Variants in ZNF385D observed in about 807,000 individuals in gnomAD.
ZNF385D encodes zinc finger protein 659.
A neutral mutation model predicts 35.8 loss-of-function variants in ZNF385D; 15 were observed. That is an observed-to-expected ratio of 0.42 (90% CI 0.28 to 0.64). The LOEUF (loss-of-function observed/expected upper bound fraction) is 0.64, where lower values mean the gene tolerates loss of function less well. ZNF385D is among the 30% of genes least tolerant of loss of function. The pLI is 0.23. For synonymous variants in ZNF385D, 212 were observed against 186.8 expected (o/e 1.13, Z -1.10); for missense variants, 474 against 494.6 (o/e 0.96, Z 0.39).
At chr3:21,912,885 G>A (rs1299430201) in intron 3 of ZNF385D, among the ~76,000 whole-genome samples, 2 of 152,042 alleles carry the variant, frequency 1.3e-5, no homozygotes, top group African/African-American at 2.4e-5. Flanking sequence ...AGAGCATACA[G>A]AACATTCTTA....
intron 3 of ZNF385D, among the ~76,000 whole-genome samples, chr3:22,074,887 A>C (rs1174253151): frequency 6.6e-6 from 1 of 151,820 alleles, no homozygotes; most frequent in Non-Finnish European, 1.5e-5. Flanking sequence ...CATTCTATTA[A>C]TTCAGTGGTT....
chr3:21,773,506 T>C (rs1295784870), intron 3 of ZNF385D, among the ~76,000 whole-genome samples: 1 of 151,956 alleles, frequency 6.6e-6, no homozygotes, highest in East Asian at 1.9e-4. Context: ...AGAAATTTTT[T>C]TGCAATCTAT....
chr3:21,923,311 C>T (rs190706401), intron 3 of ZNF385D, among the ~76,000 whole-genome samples: 335 of 151,642 alleles, frequency 2.2e-3, no homozygotes, highest in South Asian at 7.7e-3. Context: ...CAATGAGATA[C>T]CATCTCACAC....
intron 1 of ZNF385D, among the ~76,000 whole-genome samples, chr3:21,750,510 C>T (rs940609202): frequency 9.9e-5 from 15 of 152,020 alleles, no homozygotes; most frequent in African/African-American, 3.4e-4. Context: ...ATTGACTAAG[C>T]TTTCACAGCA....
At chr3:21,739,533 C>A (rs1386694518) in intron 1 of ZNF385D, among the ~76,000 whole-genome samples, 1 of 152,124 alleles carries the variant, frequency 6.6e-6, no homozygotes, top group Non-Finnish European at 1.5e-5. Flanking sequence ...GGGGCCAGAT[C>A]AGAATGTCCC....
Position 21,421,416 on chromosome 3 carries a change from T to C in ZNF385D, c.986A>G (p.Lys329Arg). Residue 329 changes from lysine to arginine, a missense_variant, in exon 8 of 8, where the codon AAG (lysine) becomes AGG (arginine). By Grantham distance (26) the Lys-to-Arg change is conservative (BLOSUM62 2). Transcript: ENST00000281523. The stretch of plus-strand genomic sequence containing the variant: ...TGGTAGAATTCGTGGAGCCAATGGC[T>C]TTGAAGGTTCTTTTGAAAATACTAA... ...VKLVFSKEPSKPLAPRILPNP... is the reference protein window; with the variant it reads ...VKLVFSKEPSRPLAPRILPNP... The C allele has an allele frequency of 6.2e-7, 1 of 1,613,588 alleles. No individual in the cohort carries two copies. The highest frequency in any genetic ancestry group is 1.7e-4 in the Middle Eastern group (1 of 6,058).
chr3:21,611,408 C>A (rs763348123), intron 2 of ZNF385D, among the ~76,000 whole-genome samples: 73 of 152,230 alleles, frequency 4.8e-4, no homozygotes, highest in Non-Finnish European at 8.5e-4. Context: ...CAAAAACAAA[C>A]AAACAAAAAA....
At position 21,564,574 on chromosome 3, in the gene ZNF385D, A is replaced by G; in HGVS notation, c.276T>C (p.Asp92=). ...AGTGAACACTAAATGATAAACTTACATCAGAATTAAATCTCAACTGGCAAA... is the reference window on the plus strand; with the variant it reads ...AGTGAACACTAAATGATAAACTTACGTCAGAATTAAATCTCAACTGGCAAA... ...CNICQLRFNS[D]SQAAAHYKGT... Residue 92 remains aspartate (D), a splice_region_variant and synonymous_variant, in exon 3 of 8, where the codon GAT becomes GAC. Transcript: ENST00000281523. The G allele has an allele frequency of 2.6e-6, 4 of 1,527,814 alleles. No individual in the cohort carries two copies. The South Asian group carries it at 3.9e-5, about 15-fold the overall frequency. The allele number at this position is 1,527,814 out of a possible 1,614,324, so 94.6% of individuals were successfully genotyped here. A position where few individuals can be genotyped will look rare whatever the true frequency, so the allele number is the denominator to read the frequency against.
At chr3:21,485,297 G>C (rs1446085141) in intron 4 of ZNF385D, among the ~76,000 whole-genome samples, 1 of 152,130 alleles carries the variant, frequency 6.6e-6, no homozygotes, top group Non-Finnish European at 1.5e-5. Context: ...TCACTTACTT[G>C]ATAAAGCTGG....
At chr3:21,794,869 C>G (rs968090848) in intron 3 of ZNF385D, among the ~76,000 whole-genome samples, 1 of 152,180 alleles carries the variant, frequency 6.6e-6, no homozygotes, top group African/African-American at 2.4e-5. Context: ...TGAGCTTCAT[C>G]TGAACATTGC....
At chr3:22,347,406 C>G (rs1298052580) in intron 2 of ZNF385D, among the ~76,000 whole-genome samples, 1 of 152,146 alleles carries the variant, frequency 6.6e-6, no homozygotes, top group African/African-American at 2.4e-5. Context: ...AAAGGTCTCT[C>G]CCAGTATCAT....
intron 3 of ZNF385D, among the ~76,000 whole-genome samples, chr3:21,977,434 G>A (rs575649434): frequency 6.6e-6 from 1 of 151,986 alleles, no homozygotes; most frequent in Non-Finnish European, 1.5e-5. Context: ...TGGCTTTCAA[G>A]GAACACAAAG....
chr3:21,876,781 G>A (rs1055709987), intron 3 of ZNF385D, among the ~76,000 whole-genome samples: 2 of 151,678 alleles, frequency 1.3e-5, no homozygotes, highest in South Asian at 2.1e-4. Flanking sequence ...TCCATCTAAT[G>A]TGAAAATAAC....
intron 3 of ZNF385D, among the ~76,000 whole-genome samples, chr3:22,145,992 T>C (rs1704828536): frequency 6.6e-6 from 1 of 152,198 alleles, no homozygotes; most frequent in Non-Finnish European, 1.5e-5. Flanking sequence ...GCATAGAGTC[T>C]AGGTGGTCAG....
intron 1 of ZNF385D, among the ~76,000 whole-genome samples, chr3:21,735,917 C>T (rs1187643333): frequency 6.6e-6 from 1 of 152,158 alleles, no homozygotes; most frequent in Non-Finnish European, 1.5e-5. Context: ...AAAATGAGCA[C>T]CTCTACTTTA....
Position 21,529,806 on chromosome 3 carries a change from C to T in ZNF385D, c.277-18783G>A, listed in dbSNP as rs537354380. 4.6e-5 allele frequency among the ~76,000 whole-genome samples: 7 copies of T among 152,284 alleles called. No individual in the cohort carries two copies. The South Asian group carries it at 1.5e-3, about 32-fold the overall frequency. ...GGTCCTGAGTTTAAATTTTGGCTTT[C>T]CTTTCTATGGATTATGTGACCTTGA... On this transcript the variant is annotated intron_variant, in intron 3 of 7. Coordinates refer to ENST00000281523, the MANE Select transcript of ZNF385D (RefSeq NM_024697.3).
At chr3:22,042,135 C>T (rs1388860224) in intron 3 of ZNF385D, among the ~76,000 whole-genome samples, 1 of 152,056 alleles carries the variant, frequency 6.6e-6, no homozygotes, top group Non-Finnish European at 1.5e-5. Context: ...TTATGTATTT[C>T]CAGCTTGGAA....
chr3:21,754,237 G>A (rs959257135), upstream of ZNF385D, among the ~76,000 whole-genome samples: 6 of 152,108 alleles, frequency 3.9e-5, no homozygotes, highest in South Asian at 1.2e-3. Context: ...AGAGGATTGT[G>A]AACATGCCAG....
chr3:22,300,202 G>T (rs1219108819), intron 2 of ZNF385D, among the ~76,000 whole-genome samples: 1 of 151,828 alleles, frequency 6.6e-6, no homozygotes, highest in Admixed American at 6.6e-5. Flanking sequence ...TGTACAATGG[G>T]GAAAGAACAG....
Sources: allele counts gnomAD v4.1 joint callset (sites outside exome capture counted in the v4.1 genomes callset), GRCh38; gene constraint gnomAD v4.1.1; transcripts MANE v1.5; gene names NCBI Gene and HGNC (gene_info 2026-07-23, HGNC 2026-07-21).